Variants in KCND2 observed in about 807,000 individuals in gnomAD.
The protein encoded by KCND2 is potassium voltage-gated channel subfamily D member 2, also known as A-type voltage-gated potassium channel KCND2.
KCND2 carries 16 observed loss-of-function variants against 54.4 expected under a neutral mutation model. The observed-to-expected ratio is 0.29, with a 90% confidence interval of 0.20 to 0.45. The LOEUF (loss-of-function observed/expected upper bound fraction) is 0.45, where lower values mean the gene tolerates loss of function less well. KCND2 is among the 20% of genes least tolerant of loss of function. The pLI, the probability that KCND2 is intolerant of heterozygous loss-of-function variation, is 1.00. For synonymous variants in KCND2, 317 were observed against 310.7 expected (o/e 1.02, Z -0.21); for missense variants, 486 against 824.2 (o/e 0.59, Z 5.02).
At chr7:120,298,973 C>G (rs1357712675) in intron 1 of KCND2, among the ~76,000 whole-genome samples, 1 of 152,110 alleles carries the variant, frequency 6.6e-6, no homozygotes, top group African/African-American at 2.4e-5. Flanking sequence ...GCCTGGCCAA[C>G]ATGGGTGAAA....
In KCND2 at chr7:120,366,314, G is replaced by C. The variant is rs1384142161; in HGVS notation, c.1115+90567G>C. On this transcript the variant is annotated intron_variant, in intron 1 of 5. Coordinates refer to ENST00000331113, the MANE Select transcript of KCND2 (RefSeq NM_012281.3). Reference sequence around the variant, plus strand: ...AGCTTGGCCAACATGGTGAAACCCTGTCTCTATTGAAAATACAAAAAATAG... The same window carrying C: ...AGCTTGGCCAACATGGTGAAACCCTCTCTCTATTGAAAATACAAAAAATAG... Among the ~76,000 whole-genome samples the C allele has an allele frequency of 4.0e-5, 6 of 151,896 alleles. No homozygotes were observed. The South Asian group carries it at 6.2e-4, about 16-fold the overall frequency.
At chr7:120,613,019 A>C (rs1360925533) in intron 1 of KCND2, among the ~76,000 whole-genome samples, 1 of 152,082 alleles carries the variant, frequency 6.6e-6, no homozygotes, top group African/African-American at 2.4e-5. Flanking sequence ...AAAACACAAG[A>C]TATCCATAGA....
At chr7:120,679,008 T>C (rs1792107307) in intron 1 of KCND2, among the ~76,000 whole-genome samples, 2 of 151,652 alleles carry the variant, frequency 1.3e-5, no homozygotes, top group African/African-American at 4.8e-5. Context: ...ACAGAATATA[T>C]ACAGACAACA....
intron 1 of KCND2, among the ~76,000 whole-genome samples, chr7:120,462,291 C>A (rs1802294802): frequency 1.3e-5 from 2 of 151,544 alleles, no homozygotes; most frequent in East Asian, 3.9e-4. Context: ...GAAGTTGAAT[C>A]TTATAGGCAA....
At chr7:120,467,542 T>A (rs966682153) in intron 1 of KCND2, among the ~76,000 whole-genome samples, 1 of 152,244 alleles carries the variant, frequency 6.6e-6, no homozygotes, top group African/African-American at 2.4e-5. Flanking sequence ...AGTCTACATT[T>A]ACAAGGGAAC....
intron 1 of KCND2, among the ~76,000 whole-genome samples, chr7:120,427,916 A>G (rs563170972): frequency 6.6e-6 from 1 of 152,294 alleles, no homozygotes; most frequent in East Asian, 1.9e-4. Flanking sequence ...TGATCATAAA[A>G]TTGTGACTTT....
chr7:120,582,327 G>A (rs1005225087), intron 1 of KCND2, among the ~76,000 whole-genome samples: 13 of 151,810 alleles, frequency 8.6e-5, no homozygotes, highest in African/African-American at 2.7e-4. Context: ...AAATCTAAAC[G>A]TTCCCAATTA....
intron 1 of KCND2, among the ~76,000 whole-genome samples, chr7:120,639,880 G>A (rs541123962): frequency 6.6e-5 from 10 of 152,000 alleles, no homozygotes; most frequent in African/African-American, 1.7e-4. Flanking sequence ...TTAGTGTCAC[G>A]AATATCCCAT....
intron 1 of KCND2, among the ~76,000 whole-genome samples, chr7:120,591,101 C>CT: frequency 6.6e-6 from 1 of 152,198 alleles, no homozygotes; most frequent in Non-Finnish European, 1.5e-5. Flanking sequence ...AAATTAGTAG[C>CT]TTTTTTCCCA....
rs113727593 is a variant in KCND2 at position 120,319,670 on chromosome 7, C to T, written c.1115+43923C>T. ...AACAACACAGTAATTTCAAACATTTCGGAATCATTTCAAAAATATTGTTAA... is the reference window on the plus strand; with the variant it reads ...AACAACACAGTAATTTCAAACATTTTGGAATCATTTCAAAAATATTGTTAA... On this transcript the variant is annotated intron_variant, in intron 1 of 5. Transcript: ENST00000331113. Among the ~76,000 whole-genome samples, 549 of 152,082 alleles carry T rather than the reference C, an allele frequency of 3.6e-3. 4 individuals are homozygous for T. Among genetic ancestry groups the T allele is most frequent in the African/African-American group, 0.012 (505 of 41,546 alleles).
chr7:120,444,265 C>T (rs1475571052), intron 1 of KCND2, among the ~76,000 whole-genome samples: 2 of 152,052 alleles, frequency 1.3e-5, no homozygotes, highest in East Asian at 3.9e-4. Context: ...AAGGACAACA[C>T]CTCCCTCCCT....
At chr7:120,714,664 A>C (rs1342381694) in intron 1 of KCND2, among the ~76,000 whole-genome samples, 1 of 152,090 alleles carries the variant, frequency 6.6e-6, no homozygotes, top group African/African-American at 2.4e-5. Context: ...TAAAATTAGA[A>C]AATCTCTTTA....
chr7:120,490,175 A>G (rs1469869357), intron 1 of KCND2, among the ~76,000 whole-genome samples: 1 of 152,176 alleles, frequency 6.6e-6, no homozygotes, highest in East Asian at 1.9e-4. Context: ...ATACGTTAGT[A>G]TCAGTAATTT....
chr7:120,295,163 C>A (rs1311886646), intron 1 of KCND2, among the ~76,000 whole-genome samples: 1 of 151,932 alleles, frequency 6.6e-6, no homozygotes, highest in African/African-American at 2.4e-5. Context: ...CAGTTTAGTT[C>A]AGCTTTGGCT....
intron 4 of KCND2, among the ~76,000 whole-genome samples, chr7:120,744,145 C>T (rs1290617442): frequency 6.6e-6 from 1 of 152,002 alleles, no homozygotes; most frequent in African/African-American, 2.4e-5. Flanking sequence ...GCCTGTATTC[C>T]CAGCTACTCG....
intron 1 of KCND2, among the ~76,000 whole-genome samples, chr7:120,411,199 T>C (rs1321351916): frequency 6.6e-6 from 1 of 152,028 alleles, no homozygotes; most frequent in African/African-American, 2.4e-5. Flanking sequence ...TCTATACATT[T>C]CATGTTTTTA....
chr7:120,634,956 A>C (rs1793285835), intron 1 of KCND2, among the ~76,000 whole-genome samples: 1 of 152,138 alleles, frequency 6.6e-6, no homozygotes, highest in Non-Finnish European at 1.5e-5. Flanking sequence ...CAGCTACATC[A>C]TGCTGTTCCC....
intron 1 of KCND2, among the ~76,000 whole-genome samples, chr7:120,377,650 T>C (rs1000667874): frequency 2.0e-5 from 3 of 152,000 alleles, no homozygotes; most frequent in Non-Finnish European, 2.9e-5. Context: ...ATTTAGATTC[T>C]TGAACTCTCA....
chr7:120,531,247 C>T (rs1791839327), intron 1 of KCND2, among the ~76,000 whole-genome samples: 1 of 152,050 alleles, frequency 6.6e-6, no homozygotes, highest in South Asian at 2.1e-4. Context: ...AGCTGATTAC[C>T]TTGATTTTTA....
Sources: allele counts gnomAD v4.1 joint callset (sites outside exome capture counted in the v4.1 genomes callset), GRCh38; gene constraint gnomAD v4.1.1; transcripts MANE v1.5; gene names NCBI Gene and HGNC (gene_info 2026-07-23, HGNC 2026-07-21).